SLC25A3: variants seen among roughly 807,000 people sequenced by gnomAD.
SLC25A3 encodes solute carrier family 25 member 3.
A neutral mutation model predicts 37.1 loss-of-function variants in SLC25A3; 14 were observed. That is an observed-to-expected ratio of 0.38 (90% CI 0.25 to 0.59). The LOEUF (loss-of-function observed/expected upper bound fraction) is 0.59. SLC25A3 is among the 20% of genes least tolerant of loss of function. SLC25A3 has a pLI of 0.67. For missense variants in SLC25A3, 385 were observed against 458.1 expected (o/e 0.84, Z 1.46); for synonymous variants, 161 against 168.7 (o/e 0.95, Z 0.36).
At chr12:98,597,490 C>CA in intron 3 of SLC25A3, 1 of 251,708 alleles carries the variant, frequency 4.0e-6, no homozygotes, top group African/African-American at 2.3e-5. Flanking sequence ...TGGCTCACTG[C>CA]AACCTCCACC....
In SLC25A3 at chr12:98,605,956, A is replaced by G. The variant is rs2097600987; in HGVS notation, c.*4428A>G. The G allele has an allele frequency of 6.6e-6, 1 of 152,030 alleles. No individual in the cohort carries two copies. The highest frequency in any genetic ancestry group is 1.5e-5 in the Non-Finnish European group (1 of 68,028). 9.4% of individuals were successfully genotyped at this position (152,030 alleles called of 1,614,324 possible). The stretch of plus-strand genomic sequence containing the variant: ...AACAAAGTGAGACCCCTCTCTCTAC[A>G]AAAAATAAATTAGCCAGGCATGGTG... On this transcript the variant is annotated 3_prime_UTR_variant, in exon 8 of 8. Coordinates refer to ENST00000552981, the MANE Select transcript of SLC25A3 (RefSeq NM_002635.4).
intron 6 of SLC25A3, among the ~76,000 whole-genome samples, chr12:98,600,903 A>C (rs2097597325): frequency 6.6e-6 from 1 of 152,160 alleles, no homozygotes; most frequent in African/African-American, 2.4e-5. Context: ...TAGGCTTGGG[A>C]ATGTATTGAT....
At chr12:98,598,353 A>G in intron 4 of SLC25A3, 169 bp from the exon 5 acceptor site, 1 of 1,008,894 alleles carries the variant, frequency 9.9e-7, no homozygotes, top group Non-Finnish European at 1.5e-6. Flanking sequence ...CATGTTGTTC[A>G]CATAGTTACG....
intron 2 of SLC25A3, 105 bp from the exon 3 acceptor site, chr12:98,595,622 G>C: frequency 6.2e-7 from 1 of 1,612,316 alleles, no homozygotes; most frequent in Non-Finnish European, 8.5e-7. Context: ...ATAAGATATA[G>C]TCATCTAACA....
chr12:98,594,749 T>TTG (rs2097591521), intron 2 of SLC25A3: 4 of 257,538 alleles, frequency 1.6e-5, no homozygotes, highest in Admixed American at 1.5e-4. Context: ...TTTAACTTAG[T>TTG]TGTGTGTGTT....
At chr12:98,599,426 C>T (rs1277922644) in intron 5 of SLC25A3, among the ~76,000 whole-genome samples, 4 of 151,858 alleles carry the variant, frequency 2.6e-5, no homozygotes, top group Admixed American at 2.6e-4. Flanking sequence ...TGTCTATTTA[C>T]CTGTATGTAG....
In SLC25A3 at chr12:98,601,357, G is replaced by A. The variant is rs1555209035; in HGVS notation, c.926-11G>A. The A allele has an allele frequency of 2.5e-6, 4 of 1,613,994 alleles. No homozygotes were observed. In the African/African-American group the frequency reaches 5.3e-5, roughly 22 times the overall value. On this transcript the variant is annotated splice_polypyrimidine_tract_variant and intron_variant, in intron 7 of 7. Coordinates refer to ENST00000552981, the MANE Select transcript of SLC25A3 (RefSeq NM_002635.4). Reference sequence around the variant, plus strand: ...TGCATTTTTTTCATTTGCTTTTCCTGTTTGAACCAGGTGTATGGAAGGGAC... The same window carrying A: ...TGCATTTTTTTCATTTGCTTTTCCTATTTGAACCAGGTGTATGGAAGGGAC...
intron 3 of SLC25A3, 69 bp from the exon 4 acceptor site, chr12:98,597,787 A>G (rs1023177606): frequency 1.9e-6 from 3 of 1,583,370 alleles, no homozygotes; most frequent in Non-Finnish European, 2.6e-6. Flanking sequence ...AACAAAAATA[A>G]TCATGAGATT....
rs994574335 is a variant in SLC25A3 at position 98,594,103 on chromosome 12, G to A, written c.125G>A (p.Arg42His). ...CCAGGGCCCACGGGCCAGCCCCGCC[G>A]CCCTCGCAACCTGGCAGCCGCCGCC... ...SSPGPTGQPR[R>H]PRNLAAAAVE... Residue 42 changes from arginine to histidine, a missense_variant, in exon 2 of 8, where the codon CGC becomes CAC. Transcript: ENST00000552981. 1 of 1,611,662 alleles carries A rather than the reference G, an allele frequency of 6.2e-7. No homozygotes were observed. Among genetic ancestry groups the A allele is most frequent in the Non-Finnish European group, 8.5e-7 (1 of 1,179,200 alleles).
At chr12:98,594,606 A>G (rs534995126) in intron 2 of SLC25A3, 1 of 532,614 alleles carries the variant, frequency 1.9e-6, no homozygotes, top group African/African-American at 1.9e-5. Flanking sequence ...TGTATATGAG[A>G]TAACTAGATG....
In SLC25A3 at chr12:98,593,961, C is replaced by T. The variant is rs776008477; in HGVS notation, c.-4-14C>T. On this transcript the variant is annotated splice_polypyrimidine_tract_variant and intron_variant, in intron 1 of 7. Coordinates refer to ENST00000552981, the MANE Select transcript of SLC25A3 (RefSeq NM_002635.4). ...CCTTGCCTGTCCTCTAACCGTCGCTCCCTCCTCCCCTAGAAAGATGTTCTC... is the reference window on the plus strand; with the variant it reads ...CCTTGCCTGTCCTCTAACCGTCGCTTCCTCCTCCCCTAGAAAGATGTTCTC... 6.8e-6 allele frequency: 11 copies of T among 1,613,868 alleles called. No individual in the cohort carries two copies. The African/African-American group carries it at 8.0e-5, about 12-fold the overall frequency.
intron 2 of SLC25A3, chr12:98,595,336 T>C: frequency 7.6e-7 from 1 of 1,314,708 alleles, no homozygotes; most frequent in Non-Finnish European, 1.1e-6. Context: ...TCAGCTGTGA[T>C]AATAGTATCT....
At chr12:98,594,296 C>T in intron 2 of SLC25A3, 161 bp downstream of exon 2, 1 of 720,498 alleles carries the variant, frequency 1.4e-6, no homozygotes, top group Non-Finnish European at 2.5e-6. Flanking sequence ...CCTTTTCCAC[C>T]ATAGGCGGGT....
chr12:98,595,216 G>T lies in SLC25A3; in HGVS notation c.158-511G>T. 4 of 564,228 alleles carry T rather than the reference G, an allele frequency of 7.1e-6. No individual in the cohort carries two copies. The Middle Eastern group carries it at 1.4e-3, about 203-fold the overall frequency. The allele number at this position is 564,228 out of a possible 1,614,324, so 35.0% of individuals were successfully genotyped here. ...GAAAACTTTTAAAAAAATTAATATGGCAGAATACGAGCTATTAATAGTATC... is the reference window on the plus strand; with the variant it reads ...GAAAACTTTTAAAAAAATTAATATGTCAGAATACGAGCTATTAATAGTATC... On this transcript the variant is annotated intron_variant, in intron 2 of 7. Transcript: ENST00000552981.
chr12:98,599,866 G>A (rs1278515091), intron 5 of SLC25A3, 89 bp from the exon 6 acceptor site: 2 of 1,386,132 alleles, frequency 1.4e-6, no homozygotes, highest in East Asian at 2.3e-5. Context: ...ATCAGGACTC[G>A]ACTCGTGTGC....
Position 98,594,050 on chromosome 12 carries a change from T to A in SLC25A3, c.72T>A (p.Asp24Glu). 1 of 1,613,414 alleles carries A rather than the reference T, an allele frequency of 6.2e-7. No homozygotes were observed. The highest frequency in any genetic ancestry group is 1.6e-4 in the Middle Eastern group (1 of 6,062). ...FNTPHLQLVH[D>E]GLGDLRSSSP... is the part of the protein sequence containing the mutation. The stretch of plus-strand genomic sequence containing the variant: ...CGCCACATCTGCAGCTGGTGCACGA[T>A]GGTCTCGGGGACCTCCGCAGCAGCT... The change falls in exon 2 of 8, where the codon GAT (aspartate) becomes GAA (glutamate). Residue 24 changes from aspartate (D) to glutamate (E), a missense_variant. Asp to Glu is a conservative substitution (Grantham distance 45). Around this residue, in one of 2 missense-constraint regions of SLC25A3, gnomAD observed 109 missense variants for 90.5 expected, o/e 1.20. Coordinates refer to ENST00000552981, the MANE Select transcript of SLC25A3 (RefSeq NM_002635.4).
At position 98,602,627 on chromosome 12, in the gene SLC25A3, A is replaced by G. The variant is rs537740442; in HGVS notation, c.*1099A>G. The G allele has an allele frequency of 1.6e-4, 25 of 152,194 alleles. No individual in the cohort carries two copies. Among genetic ancestry groups the G allele is most frequent in the Non-Finnish European group, 3.1e-4 (21 of 68,028 alleles). The allele number at this position is 152,194 out of a possible 1,614,324, so 9.4% of individuals were successfully genotyped here. A position where few individuals can be genotyped will look rare whatever the true frequency, so the allele number is the denominator to read the frequency against. On this transcript the variant is annotated 3_prime_UTR_variant, in exon 8 of 8. Coordinates refer to ENST00000552981, the MANE Select transcript of SLC25A3 (RefSeq NM_002635.4). ...GCCCATTTTTAAAGAGCTCCTAGAA[A>G]GTGAATTAGTTTTTGTGTTTAGATT...
chr12:98,600,687 C>T (rs1159901263), intron 6 of SLC25A3, among the ~76,000 whole-genome samples: 3 of 152,186 alleles, frequency 2.0e-5, no homozygotes, highest in Admixed American at 6.5e-5. Flanking sequence ...GCTGGGATTA[C>T]AGGCGTGAGC....
At chr12:98,595,037 A>C in intron 2 of SLC25A3, 1 of 234,296 alleles carries the variant, frequency 4.3e-6, no homozygotes, top group Non-Finnish European at 8.6e-6. Flanking sequence ...AAGTGGGGAT[A>C]GTATTGGTTA....
Sources: allele counts gnomAD v4.1 joint callset (sites outside exome capture counted in the v4.1 genomes callset), GRCh38; gene constraint gnomAD v4.1.1; regional missense constraint gnomAD v4.1.1; transcripts MANE v1.5; gene names NCBI Gene and HGNC (gene_info 2026-07-23, HGNC 2026-07-21).